Variants in ABCA3 observed in about 807,000 individuals in gnomAD.
ABCA3 encodes the protein phospholipid-transporting ATPase ABCA3.
A neutral mutation model predicts 172.8 loss-of-function variants in ABCA3; 88 were observed. The ratio of observed to expected loss-of-function variants is 0.51; its 90% CI spans 0.43 to 0.61. The LOEUF (loss-of-function observed/expected upper bound fraction) is 0.61, where lower values mean the gene tolerates loss of function less well. Among genes scored for constraint, ABCA3 ranks in the 20% least tolerant of loss-of-function variants. The probability of loss-of-function intolerance (pLI) is 0.00; values close to 1 mark genes in which losing one functional copy is unlikely to be tolerated. For synonymous variants in ABCA3, 1,066 were observed against 983.8 expected, an observed-to-expected ratio of 1.08 and a Z score of -1.56; for missense variants, 2,164 against 2,301.0, an observed-to-expected ratio of 0.94 and a Z score of 1.22.
Position 2,284,276 on chromosome 16 carries a change from C to T in ABCA3, c.3862+3G>A. Reference sequence around the variant, plus strand: ...TGCCCGGGGTCGGGGCTGGGACACTCACTATATTTCTTGCAGTAGTGGGCG... The same window carrying T: ...TGCCCGGGGTCGGGGCTGGGACACTTACTATATTTCTTGCAGTAGTGGGCG... On this transcript the variant is annotated splice_donor_region_variant and intron_variant, in intron 25 of 32. Coordinates refer to ENST00000301732, the MANE Select transcript of ABCA3 (RefSeq NM_001089.3). The surrounding 1 kb of genome is among the most constrained non-coding windows in gnomAD (Gnocchi z 5.9). The T allele has an allele frequency of 1.2e-6, 2 of 1,612,632 alleles. No individual in the cohort carries two copies. Among genetic ancestry groups the T allele is most frequent in the Non-Finnish European group, 1.7e-6 (2 of 1,179,234 alleles).
At chr16:2,301,054 C>A (rs1163667179) in intron 12 of ABCA3, among the ~76,000 whole-genome samples, 1 of 151,044 alleles carries the variant, frequency 6.6e-6, no homozygotes, top group South Asian at 2.1e-4. Flanking sequence ...CACGGTGAAA[C>A]CCCGTCTCTA....
intron 1 of ABCA3, among the ~76,000 whole-genome samples, chr16:2,330,889 C>T (rs183243073): frequency 6.6e-6 from 1 of 151,668 alleles, no homozygotes; most frequent in African/African-American, 2.4e-5. Context: ...TTTCAGTAGA[C>T]ACAGGGTTTC....
chr16:2,320,439 G>A (rs2141733951), intron 7 of ABCA3, among the ~76,000 whole-genome samples: 1 of 150,002 alleles, frequency 6.7e-6, no homozygotes, highest in Non-Finnish European at 1.5e-5. Context: ...ACTCAGGCTG[G>A]AGTGCAGTGG....
In ABCA3 at chr16:2,285,335, G is replaced by T; in HGVS notation, c.3483+107C>A. The T allele has an allele frequency of 7.3e-7, 1 of 1,370,740 alleles. No homozygotes were observed. Among genetic ancestry groups the T allele is most frequent in the Non-Finnish European group, 1.0e-6 (1 of 993,190 alleles). 84.9% of individuals were successfully genotyped at this position (1,370,740 alleles called of 1,614,324 possible). A position where few individuals can be genotyped will look rare whatever the true frequency, so the allele number is the denominator to read the frequency against. On this transcript the variant is annotated intron_variant, in intron 23 of 32. Coordinates refer to ENST00000301732, the MANE Select transcript of ABCA3 (RefSeq NM_001089.3). The surrounding 1 kb of genome is among the most constrained non-coding windows in gnomAD (Gnocchi z 4.7). The stretch of plus-strand genomic sequence containing the variant: ...AGCTGTCCTCCCTGAGTCGGGCCGA[G>T]CTGCCGGCCTAGGGGCTGCCCAGCT...
chr16:2,278,245 C>T lies in ABCA3; in HGVS notation c.4718+43G>A, dbSNP rs924067706. The stretch of plus-strand genomic sequence containing the variant: ...GGCCACCTGGCTCCTCCATGGCCCA[C>T]CCGGTGCTGAAACTTCCAGTAACCC... On this transcript the variant is annotated intron_variant, in intron 30 of 32. Coordinates refer to ENST00000301732, the MANE Select transcript of ABCA3 (RefSeq NM_001089.3). This position sits in a 1 kb window ranked among gnomAD's most constrained non-coding sequence, Gnocchi z 4.4. The T allele has an allele frequency of 6.2e-7, 1 of 1,603,220 alleles. No homozygotes were observed. The highest frequency in any genetic ancestry group is 1.3e-5 in the African/African-American group (1 of 75,034).
chr16:2,325,062 TGAG>T (rs1567354259), intron 5 of ABCA3, among the ~76,000 whole-genome samples: 1 of 152,036 alleles, frequency 6.6e-6, no homozygotes, highest in African/African-American at 2.4e-5. Context: ...AATGCCCAAA[TGAG>T]GAGGGGAAAA....
rs753751884 is a variant in ABCA3, at chr16:2,297,777, C to A, written c.2041G>T (p.Ala681Ser). The A allele has an allele frequency of 1.9e-5, 30 of 1,612,038 alleles. No individual in the cohort carries two copies. Among genetic ancestry groups the A allele is most frequent in the Non-Finnish European group, 2.4e-5 (28 of 1,180,042 alleles). Residue 681 changes from alanine to serine, a missense_variant, in exon 16 of 33, where the codon GCA (alanine) becomes TCA (serine). Transcript: ENST00000301732. The surrounding 1 kb of genome is among the most constrained non-coding windows in gnomAD (Gnocchi z 5.6). ...TCCCACCGCCACACCTTGGAGCCTG[C>A]GATGAGGGCGATGCCGATGGAGAGC... ...RKLSIGIALI[A>S]GSKVLILDEP...
intron 7 of ABCA3, among the ~76,000 whole-genome samples, chr16:2,320,499 C>T (rs1302873017): frequency 6.6e-6 from 1 of 151,750 alleles, no homozygotes; most frequent in Non-Finnish European, 1.5e-5. Flanking sequence ...AAGCAATTCT[C>T]CTGCCTCAGC....
At chr16:2,300,192 G>A (rs368416201) in intron 12 of ABCA3, 44 bp from the exon 13 acceptor site, 22 of 1,611,396 alleles carry the variant, frequency 1.4e-5, no homozygotes, top group African/African-American at 4.0e-5. Flanking sequence ...TGTTTGTGAC[G>A]AGCAAAGCAA....
At chr16:2,317,550 T>A in intron 9 of ABCA3, 98 bp downstream of exon 9, 1 of 1,577,972 alleles carries the variant, frequency 6.3e-7, no homozygotes, top group African/African-American at 1.4e-5. Flanking sequence ...ACAGACTCTC[T>A]CTGAAGTCTC....
intron 7 of ABCA3, among the ~76,000 whole-genome samples, chr16:2,320,819 G>C (rs1222365646): frequency 1.3e-5 from 2 of 151,982 alleles, no homozygotes; most frequent in African/African-American, 4.8e-5. Flanking sequence ...ATATCTCCTG[G>C]GGCTTTACTA....
At chr16:2,307,085 C>T (rs1254484951) in intron 11 of ABCA3, among the ~76,000 whole-genome samples, 1 of 151,290 alleles carries the variant, frequency 6.6e-6, no homozygotes, top group Non-Finnish European at 1.5e-5. Context: ...CATTGCACTC[C>T]AGGCTGGGTG....
At chr16:2,301,241 A>T (rs1212491825) in intron 12 of ABCA3, among the ~76,000 whole-genome samples, 1 of 149,952 alleles carries the variant, frequency 6.7e-6, no homozygotes, top group East Asian at 1.9e-4. Context: ...AAAAAAAAAA[A>T]AAAAATCAGA....
rs753291706 is a variant in ABCA3, at chr16:2,286,815, C to T, written c.3157G>A (p.Ala1053Thr). ...NNQAYHSPAT[A>T]LAVVDNLLFK... ...AGAAGGTTGTCCACGACGGCCAGGG[C>T]AGTGGCTGGAGAGTGGTACGCCTGG... Residue 1053 changes from alanine to threonine, a missense_variant, in exon 22 of 33, where the codon GCC becomes ACC. Ala to Thr is a moderately conservative substitution (Grantham distance 58). This residue lies in a region of ABCA3 where 26 missense variants were observed against 49.5 expected (regional missense o/e 0.53). Transcript: ENST00000301732. The surrounding 1 kb of genome is among the most constrained non-coding windows in gnomAD (Gnocchi z 5.2). The T allele has an allele frequency of 1.9e-6, 3 of 1,614,160 alleles. No homozygotes were observed. Among genetic ancestry groups the T allele is most frequent in the Non-Finnish European group, 2.5e-6 (3 of 1,180,032 alleles).
chr16:2,285,151 G>A lies in ABCA3; in HGVS notation c.3484-153C>T, dbSNP rs1050453255. Among the ~76,000 whole-genome samples, 1 of 152,176 alleles carries A rather than the reference G, an allele frequency of 6.6e-6. No homozygotes were observed. The highest frequency in any genetic ancestry group is 1.5e-5 in the Non-Finnish European group (1 of 68,032). On this transcript the variant is annotated intron_variant, in intron 23 of 32. Coordinates refer to ENST00000301732, the MANE Select transcript of ABCA3 (RefSeq NM_001089.3). The surrounding 1 kb of genome is among the most constrained non-coding windows in gnomAD (Gnocchi z 4.7). ...CCCACAGGCCACGTCTGGCCCCCGC[G>A]GTGGCTTTCAGCCCCAGGACCCTCT...
intron 7 of ABCA3, 50 bp from the exon 8 acceptor site, chr16:2,319,890 G>C: frequency 6.2e-7 from 1 of 1,608,698 alleles, no homozygotes; most frequent in Non-Finnish European, 8.5e-7. Context: ...AGCTGCTCTC[G>C]AGGGCAGAGG....
chr16:2,289,670 T>C, intron 19 of ABCA3, 50 bp from the exon 20 acceptor site: 1 of 1,536,972 alleles, frequency 6.5e-7, no homozygotes, highest in Non-Finnish European at 8.7e-7. Flanking sequence ...CCCGGGTGGG[T>C]GGAGGGAGGG....
chr16:2,302,790 C>T (rs2093691526), intron 12 of ABCA3, among the ~76,000 whole-genome samples: 1 of 148,434 alleles, frequency 6.7e-6, no homozygotes, highest in South Asian at 2.2e-4. Context: ...CACCCCGATC[C>T]CATTTTTTTT....
Position 2,278,290 on chromosome 16 carries a change from G to A in ABCA3, c.4716C>T (p.His1572=), listed in dbSNP as rs113705678. The A allele has an allele frequency of 6.3e-5, 101 of 1,607,858 alleles. 7 individuals are homozygous for A. The African/African-American group carries it at 7.6e-4, about 12-fold the overall frequency. ...ESGKAIIITS[H]SMEECEALCT... ...TAACCCACAGACCCAGGCTCTACCT[G>A]TGGGAGGTGATGATGATGGCCTTGC... Residue 1572 remains histidine, a splice_region_variant and synonymous_variant, in exon 30 of 33, where the codon CAC becomes CAT. Coordinates refer to ENST00000301732, the MANE Select transcript of ABCA3 (RefSeq NM_001089.3). The surrounding 1 kb of genome is among the most constrained non-coding windows in gnomAD (Gnocchi z 4.4).
Sources: allele counts gnomAD v4.1 joint callset (sites outside exome capture counted in the v4.1 genomes callset), GRCh38; gene constraint gnomAD v4.1.1; regional missense constraint gnomAD v4.1.1; non-coding constraint Gnocchi (gnomAD v3.1); transcripts MANE v1.5; gene names NCBI Gene and HGNC (gene_info 2026-07-23, HGNC 2026-07-21).